Variants in FNBP4 observed in about 807,000 individuals in gnomAD.
FNBP4 encodes the protein formin binding protein 4.
A neutral mutation model predicts 119.3 loss-of-function variants in FNBP4; 34 were observed. The observed-to-expected ratio is 0.28, with a 90% CI of 0.22 to 0.38. FNBP4 has a LOEUF of 0.38. Ranked by LOEUF, FNBP4 falls within the 10% of genes least tolerant of loss-of-function variation. The probability of loss-of-function intolerance (pLI) is 1.00; values close to 1 mark genes in which losing one functional copy is unlikely to be tolerated. For synonymous variants in FNBP4, 462 were observed against 430.6 expected (o/e 1.07, Z -0.90); for missense variants, 1,112 against 1,228.9 (o/e 0.90, Z 1.42).
Position 47,750,949 on chromosome 11 carries a change from A to G in FNBP4, c.873T>C (p.Ser291=). 1 of 1,614,034 alleles carries G rather than the reference A, an allele frequency of 6.2e-7. No individual in the cohort carries two copies. Among genetic ancestry groups the G allele is most frequent in the South Asian group, 1.1e-5 (1 of 91,086 alleles). Residue 291 remains serine, a synonymous_variant, in exon 6 of 17, where the codon AGT becomes AGC. Transcript: ENST00000263773. ...CTTCTCGCTTGGCTATGACTGGTCC[A>G]CTTTTACTACTGGAAACAGAAATCG... ...EKTISVSSSK[S]GPVIAKREVK...
At chr11:47,737,256 A>G (rs905939488) in intron 8 of FNBP4, among the ~76,000 whole-genome samples, 3 of 152,126 alleles carry the variant, frequency 2.0e-5, no homozygotes, top group African/African-American at 7.2e-5. Flanking sequence ...CTATAAGTAA[A>G]ATTTACTTTA....
At chr11:47,717,538 T>C in intron 16 of FNBP4, 26 bp from the exon 17 acceptor site, 1 of 1,518,356 alleles carries the variant, frequency 6.6e-7, no homozygotes, top group Non-Finnish European at 9.0e-7. Flanking sequence ...ACAGATTATT[T>C]TAGTGGAAAG....
chr11:47,745,701 G>C (rs2097588953), intron 7 of FNBP4, among the ~76,000 whole-genome samples: 1 of 151,978 alleles, frequency 6.6e-6, no homozygotes, highest in South Asian at 2.1e-4. Flanking sequence ...CTGGTTTGAG[G>C]CTCGGGTGGG....
chr11:47,732,334 C>A lies in FNBP4; in HGVS notation c.1820+203G>T. ...CCATATCTTGGGAAAAAATCCGTTACATGGAACACTTTAAACATTGCTTTT... is the reference window on the plus strand; with the variant it reads ...CCATATCTTGGGAAAAAATCCGTTAAATGGAACACTTTAAACATTGCTTTT... On this transcript the variant is annotated intron_variant, in intron 11 of 16. Transcript: ENST00000263773. This position sits in a 1 kb window ranked among gnomAD's most constrained non-coding sequence, Gnocchi z 4.2. 6.9e-7 allele frequency: 1 copy of A among 1,455,250 alleles called. No homozygotes were observed. Among genetic ancestry groups the A allele is most frequent in the Non-Finnish European group, 9.0e-7 (1 of 1,107,262 alleles). 90.1% of individuals were successfully genotyped at this position (1,455,250 alleles called of 1,614,324 possible). A position where few individuals can be genotyped will look rare whatever the true frequency, so the allele number is the denominator to read the frequency against.
At chr11:47,766,934 C>A (rs2097648867) in intron 1 of FNBP4, 135 bp downstream of exon 1, 2 of 1,362,346 alleles carry the variant, frequency 1.5e-6, no homozygotes, top group Non-Finnish European at 9.4e-7. Context: ...CAGGGCCGCC[C>A]CGCCTGCAGG....
intron 15 of FNBP4, 91 bp downstream of exon 15, chr11:47,722,878 ACAGTGCC>A: frequency 7.4e-7 from 1 of 1,345,966 alleles, no homozygotes; most frequent in Non-Finnish European, 9.8e-7. Context: ...GGCTTAAGCC[ACAGTGCC>A]CAGCCTGAAA....
At chr11:47,731,848 A>G (rs1322754184) in intron 11 of FNBP4, 1 of 1,096,712 alleles carries the variant, frequency 9.1e-7, no homozygotes, top group South Asian at 4.2e-5. Context: ...TTGCCAATGC[A>G]TAACAGGGTT....
chr11:47,735,267 T>C (rs1171993426), intron 9 of FNBP4, among the ~76,000 whole-genome samples: 1 of 152,172 alleles, frequency 6.6e-6, no homozygotes, highest in African/African-American at 2.4e-5. Context: ...AATACCAATA[T>C]TGTCAAATTG....
intron 2 of FNBP4, among the ~76,000 whole-genome samples, chr11:47,763,834 A>G (rs924826494): frequency 1.3e-5 from 2 of 152,074 alleles, no homozygotes; most frequent in Admixed American, 6.6e-5. Context: ...TTTTTTGAGA[A>G]AGGTGTTGAC....
chr11:47,758,726 G>A (rs2097625738), intron 2 of FNBP4, among the ~76,000 whole-genome samples: 1 of 151,634 alleles, frequency 6.6e-6, no homozygotes, highest in Admixed American at 6.6e-5. Context: ...GGCTGTGGTG[G>A]TGCGCGCCTG....
At chr11:47,761,414 G>A (rs2097634196) in intron 2 of FNBP4, among the ~76,000 whole-genome samples, 1 of 152,142 alleles carries the variant, frequency 6.6e-6, no homozygotes, top group African/African-American at 2.4e-5. Flanking sequence ...CCAAGATGCT[G>A]AAACCCTGTC....
At chr11:47,761,355 G>A (rs1270753413) in intron 2 of FNBP4, among the ~76,000 whole-genome samples, 1 of 152,192 alleles carries the variant, frequency 6.6e-6, no homozygotes, top group Admixed American at 6.6e-5. Context: ...AGCACTTTGG[G>A]AGGCTGAGAC....
In FNBP4 at chr11:47,732,512, G is replaced by GT; in HGVS notation, c.1820+24dup. Reference sequence around the variant, plus strand: ...ATGTCTGAGATGTCAAAGGTGAAAGGTGAAAAGGGGAGAAGAGTGCGTACC... The same window carrying GT: ...ATGTCTGAGATGTCAAAGGTGAAAGGTTGAAAAGGGGAGAAGAGTGCGTACC... On this transcript the variant is annotated intron_variant, in intron 11 of 16. Transcript: ENST00000263773. The surrounding 1 kb of genome is among the most constrained non-coding windows in gnomAD (Gnocchi z 4.2). 6.2e-7 allele frequency: 1 copy of GT among 1,613,802 alleles called. No individual in the cohort carries two copies. Among genetic ancestry groups the GT allele is most frequent in the Non-Finnish European group, 8.5e-7 (1 of 1,179,808 alleles).
At chr11:47,754,232 AG>A (rs1378717659) in intron 3 of FNBP4, among the ~76,000 whole-genome samples, 1 of 151,370 alleles carries the variant, frequency 6.6e-6, no homozygotes. Context: ...AAGGAGAGAC[AG>A]CCAGGTGTGA....
chr11:47,755,722 T>C (rs988114837), intron 2 of FNBP4, among the ~76,000 whole-genome samples: 15 of 151,182 alleles, frequency 9.9e-5, no homozygotes, highest in South Asian at 2.1e-4. Flanking sequence ...GCCCAGGAGG[T>C]TGAGGCTGCA....
At chr11:47,765,785 T>A (rs563157146) in intron 1 of FNBP4, among the ~76,000 whole-genome samples, 1 of 143,012 alleles carries the variant, frequency 7.0e-6, no homozygotes, top group South Asian at 2.4e-4. Flanking sequence ...AGACTCCATC[T>A]CAAAAAAAAG....
Position 47,750,950 on chromosome 11 carries a change from C to T in FNBP4, c.872G>A (p.Ser291Asn), listed in dbSNP as rs1599235394. The change falls in exon 6 of 17, where the codon AGT becomes AAT. Residue 291 changes from serine to asparagine, a missense_variant. This residue lies in a region of FNBP4 where 826 missense variants were observed against 988.8 expected (regional missense o/e 0.84). Transcript: ENST00000263773. Reference protein sequence around the residue: ...EKTISVSSSKSGPVIAKREVK... With the variant: ...EKTISVSSSKNGPVIAKREVK... The stretch of plus-strand genomic sequence containing the variant: ...TTCTCGCTTGGCTATGACTGGTCCA[C>T]TTTTACTACTGGAAACAGAAATCGT... 1.9e-6 allele frequency: 3 copies of T among 1,613,976 alleles called. No homozygotes were observed. The highest frequency in any genetic ancestry group is 1.7e-4 in the Middle Eastern group (1 of 6,056).
At chr11:47,744,366 TG>T (rs1203122417) in intron 7 of FNBP4, among the ~76,000 whole-genome samples, 2 of 152,048 alleles carry the variant, frequency 1.3e-5, no homozygotes, top group Non-Finnish European at 2.9e-5. Context: ...TACAACCTTC[TG>T]AGCTCAAGCA....
intron 11 of FNBP4, 183 bp from the exon 12 acceptor site, chr11:47,731,744 C>G: frequency 7.4e-7 from 1 of 1,354,658 alleles, no homozygotes; most frequent in Non-Finnish European, 9.4e-7. Context: ...TAATTCAAAG[C>G]TATTTGCACT....
Sources: allele counts gnomAD v4.1 joint callset (sites outside exome capture counted in the v4.1 genomes callset), GRCh38; gene constraint gnomAD v4.1.1; regional missense constraint gnomAD v4.1.1; non-coding constraint Gnocchi (gnomAD v3.1); transcripts MANE v1.5; gene names NCBI Gene and HGNC (gene_info 2026-07-23, HGNC 2026-07-21).